The following VSNL1 variants were observed in gnomAD, a reference collection of about 807,000 sequenced individuals.
VSNL1 encodes the protein visinin like 1, also known as visinin-like protein 1.
A neutral mutation model predicts 20.4 loss-of-function variants in VSNL1; 6 were observed. That is an observed-to-expected ratio of 0.29 (90% CI 0.16 to 0.58). The LOEUF is 0.58. Among genes scored for constraint, VSNL1 ranks in the 20% least tolerant of loss-of-function variants. The pLI is 0.90. For missense variants in VSNL1, 100 were observed against 234.5 expected (o/e 0.43, Z 3.75); for synonymous variants, 93 against 86.4 (o/e 1.08, Z -0.42).
intron 1 of VSNL1, among the ~76,000 whole-genome samples, chr2:17,563,340 C>T (rs940020315): frequency 3.9e-5 from 6 of 152,186 alleles, no homozygotes; most frequent in Non-Finnish European, 1.5e-5. Flanking sequence ...GCCTGTTGGA[C>T]TCCACAGCAT....
At chr2:17,651,523 T>C (rs569617230) in intron 3 of VSNL1, among the ~76,000 whole-genome samples, 3 of 152,376 alleles carry the variant, frequency 2.0e-5, no homozygotes, top group African/African-American at 7.2e-5. Context: ...GTTTTGTGTC[T>C]GTGTTCAGAC....
chr2:17,604,133 G>A (rs1346489542), intron 2 of VSNL1, among the ~76,000 whole-genome samples: 1 of 152,230 alleles, frequency 6.6e-6, no homozygotes, highest in East Asian at 1.9e-4. Flanking sequence ...CAGGAAGGGA[G>A]AGAGCAGGTT....
chr2:17,575,236 G>T (rs1664180122), intron 1 of VSNL1, among the ~76,000 whole-genome samples: 1 of 152,194 alleles, frequency 6.6e-6, no homozygotes, highest in Non-Finnish European at 1.5e-5. Flanking sequence ...CCCAACCCGG[G>T]AGGGAAGCAG....
At chr2:17,546,280 A>G (rs141131220) in intron 1 of VSNL1, among the ~76,000 whole-genome samples, 442 of 152,154 alleles carry the variant, frequency 2.9e-3, no homozygotes, top group African/African-American at 9.9e-3. Flanking sequence ...CTGCCCATAT[A>G]ATACTTTTCT....
intron 1 of VSNL1, among the ~76,000 whole-genome samples, chr2:17,588,232 A>T (rs1664522719): frequency 6.6e-6 from 1 of 152,236 alleles, no homozygotes; most frequent in Non-Finnish European, 1.5e-5. Context: ...GAATCCACAG[A>T]GCCTGCATGT....
intron 2 of VSNL1, among the ~76,000 whole-genome samples, chr2:17,593,492 T>A (rs1247594580): frequency 6.6e-6 from 1 of 152,078 alleles, no homozygotes; most frequent in South Asian, 2.1e-4. Context: ...AGCAGGGAAG[T>A]GATGAACCCA....
At chr2:17,546,752 G>T (rs1210119253) in intron 1 of VSNL1, among the ~76,000 whole-genome samples, 1 of 151,914 alleles carries the variant, frequency 6.6e-6, no homozygotes, top group Non-Finnish European at 1.5e-5. Flanking sequence ...ATCAAGTAGT[G>T]CTGCACAAGG....
chr2:17,562,254 T>A (rs936341970), intron 1 of VSNL1, among the ~76,000 whole-genome samples: 8 of 152,224 alleles, frequency 5.3e-5, no homozygotes, highest in Admixed American at 1.3e-4. Flanking sequence ...AGAATTGACA[T>A]GAATTTGAAA....
chr2:17,604,222 G>A (rs1349057203), intron 2 of VSNL1, among the ~76,000 whole-genome samples: 1 of 152,242 alleles, frequency 6.6e-6, no homozygotes, highest in Non-Finnish European at 1.5e-5. Context: ...AACAGGGAGG[G>A]TAAAAACACT....
At chr2:17,555,512 G>A (rs1339624542) in intron 1 of VSNL1, among the ~76,000 whole-genome samples, 1 of 152,032 alleles carries the variant, frequency 6.6e-6, no homozygotes, top group Non-Finnish European at 1.5e-5. Flanking sequence ...ATCATATCCA[G>A]TGGTAGTCTT....
chr2:17,623,744 C>T (rs552754613), intron 2 of VSNL1, among the ~76,000 whole-genome samples: 1 of 151,374 alleles, frequency 6.6e-6, no homozygotes, highest in South Asian at 2.1e-4. Flanking sequence ...CAAATGCTAT[C>T]ATAGACTAAA....
Position 17,656,731 on chromosome 2 carries a change from T to A in VSNL1, c.*1337T>A, listed in dbSNP as rs1666240988. The A allele has an allele frequency of 6.6e-6, 1 of 152,192 alleles. No homozygotes were observed. Among genetic ancestry groups the A allele is most frequent in the Non-Finnish European group, 1.5e-5 (1 of 68,032 alleles). The allele number at this position is 152,192 out of a possible 1,614,324, so 9.4% of individuals were successfully genotyped here. On this transcript the variant is annotated 3_prime_UTR_variant, in exon 4 of 4. Coordinates refer to ENST00000295156, the MANE Select transcript of VSNL1 (RefSeq NM_003385.5). ...GAGTTTTTTACACAGCACTACCCGG[T>A]AGTACTTTCTCTGATGATGGGAAGG...
chr2:17,594,272 C>T lies in VSNL1; in HGVS notation c.162+2036C>T, dbSNP rs886590518. ...TTCCAGGAGGGGAATATATGACTTT[C>T]TGAACTTAGGTCTATATTTTTGGCA... On this transcript the variant is annotated intron_variant, in intron 2 of 3. Transcript: ENST00000295156. 1.2e-4 allele frequency among the ~76,000 whole-genome samples: 18 copies of T among 152,254 alleles called. 1 individual carries two copies. Among genetic ancestry groups the T allele is most frequent in the East Asian group, 1.9e-4 (1 of 5,168 alleles).
Position 17,649,303 on chromosome 2 carries a change from G to C in VSNL1, c.163-107G>C, listed in dbSNP as rs1018581918. ...GCCAAACTGCTCTCCAATGGGTGAG[G>C]CTCCGACAACGCCCAGGAGCACCTG... is the stretch of plus-strand genomic sequence containing the variant. On this transcript the variant is annotated intron_variant, in intron 2 of 3. Transcript: ENST00000295156. This position sits in a 1 kb window ranked among gnomAD's most constrained non-coding sequence, Gnocchi z 6.4. 1.8e-6 allele frequency: 2 copies of C among 1,111,832 alleles called. No homozygotes were observed. The highest frequency in any genetic ancestry group is 3.1e-5 in the African/African-American group (2 of 65,248). The allele number at this position is 1,111,832 out of a possible 1,614,324, so 68.9% of individuals were successfully genotyped here. A position where few individuals can be genotyped will look rare whatever the true frequency, so the allele number is the denominator to read the frequency against.
chr2:17,607,844 C>T (rs1306910442), intron 2 of VSNL1, among the ~76,000 whole-genome samples: 3 of 152,158 alleles, frequency 2.0e-5, no homozygotes, highest in African/African-American at 7.2e-5. Context: ...AGAGTGTTAT[C>T]CAGAATAATG....
chr2:17,645,493 G>A (rs571609123), intron 2 of VSNL1, among the ~76,000 whole-genome samples: 10 of 152,206 alleles, frequency 6.6e-5, no homozygotes, highest in Non-Finnish European at 1.3e-4. Flanking sequence ...GGGTGCAGAG[G>A]AAATGTGTCA....
chr2:17,607,083 C>A (rs555592830), intron 2 of VSNL1, among the ~76,000 whole-genome samples: 3 of 152,268 alleles, frequency 2.0e-5, no homozygotes, highest in Admixed American at 2.0e-4. Flanking sequence ...GGGCCACATG[C>A]TGTGTGGGAT....
intron 1 of VSNL1, among the ~76,000 whole-genome samples, chr2:17,553,485 A>G (rs1663598500): frequency 6.6e-6 from 1 of 152,220 alleles, no homozygotes; most frequent in Non-Finnish European, 1.5e-5. Context: ...TAAAAAACAA[A>G]TAAGGGCAAT....
intron 1 of VSNL1, among the ~76,000 whole-genome samples, chr2:17,576,093 G>T (rs1281690547): frequency 6.6e-6 from 1 of 152,054 alleles, no homozygotes; most frequent in Non-Finnish European, 1.5e-5. Flanking sequence ...CATGGTTTCT[G>T]CATATAGTCC....
Sources: gnomAD v4.1 joint callset for allele counts (sites outside exome capture counted in the v4.1 genomes callset) on GRCh38, gnomAD v4.1.1 for gene constraint, Gnocchi (gnomAD v3.1) non-coding constraint, MANE v1.5 for transcripts, NCBI Gene and HGNC (gene_info 2026-07-23, HGNC 2026-07-21) for gene names.